The following SYNPR variants were observed in gnomAD, a reference collection of about 807,000 sequenced individuals.
SYNPR encodes synaptoporin.
A neutral mutation model predicts 32.9 loss-of-function variants in SYNPR; 23 were observed. The observed-to-expected ratio is 0.70, with a 90% confidence interval of 0.50 to 0.99. SYNPR has a LOEUF of 0.99. Ranked by LOEUF, SYNPR falls within the 50% of genes least tolerant of loss-of-function variation. SYNPR has a pLI of 0.00. For missense variants in SYNPR, 318 were observed against 349.3 expected (o/e 0.91, Z 0.71); for synonymous variants, 146 against 135.9 (o/e 1.07, Z -0.52).
intron 5 of SYNPR, among the ~76,000 whole-genome samples, chr3:63,614,212 C>T (rs4688416): frequency 0.21 from 32,450 of 152,202 alleles, 4,292 homozygotes; most frequent in Non-Finnish European, 0.27. Flanking sequence ...AATGTTATCA[C>T]AGCTTTGCGT....
At chr3:63,292,030 T>C (rs781338865) in intron 2 of SYNPR, among the ~76,000 whole-genome samples, 1 of 152,170 alleles carries the variant, frequency 6.6e-6, no homozygotes, top group Non-Finnish European at 1.5e-5. Flanking sequence ...TAAAAACCTG[T>C]ACAGCATGTG....
chr3:63,350,734 C>A (rs1270051819), intron 2 of SYNPR, among the ~76,000 whole-genome samples: 1 of 152,162 alleles, frequency 6.6e-6, no homozygotes, highest in Non-Finnish European at 1.5e-5. Flanking sequence ...GCTATGGACA[C>A]CACAATCAGA....
At chr3:63,409,478 A>T (rs561957245) in intron 2 of SYNPR, among the ~76,000 whole-genome samples, 1 of 152,056 alleles carries the variant, frequency 6.6e-6, no homozygotes, top group Non-Finnish European at 1.5e-5. Flanking sequence ...CAGCAGGTTA[A>T]TTCCTACATT....
intron 3 of SYNPR, among the ~76,000 whole-genome samples, chr3:63,483,184 G>GCATGTA (rs1327852580): frequency 6.6e-6 from 1 of 152,146 alleles, no homozygotes; most frequent in Non-Finnish European, 1.5e-5. Context: ...TGCATGTAAT[G>GCATGTA]ATGTGCACTG....
chr3:63,319,109 C>G (rs529313014), intron 2 of SYNPR, among the ~76,000 whole-genome samples: 1 of 152,008 alleles, frequency 6.6e-6, no homozygotes, highest in Non-Finnish European at 1.5e-5. Flanking sequence ...GTGATGTGAA[C>G]CATCTGTGGG....
chr3:63,444,491 G>A (rs902493805), intron 2 of SYNPR, among the ~76,000 whole-genome samples: 2 of 152,120 alleles, frequency 1.3e-5, no homozygotes, highest in Non-Finnish European at 2.9e-5. Context: ...GAAACGAGCT[G>A]GAGAATAGAT....
At chr3:63,417,374 C>T (rs1241323741) in intron 2 of SYNPR, among the ~76,000 whole-genome samples, 1 of 152,216 alleles carries the variant, frequency 6.6e-6, no homozygotes, top group Middle Eastern at 3.2e-3. Context: ...GTGCAGCCTC[C>T]CTCCTGGCTG....
intron 2 of SYNPR, among the ~76,000 whole-genome samples, chr3:63,400,633 T>G (rs2088278722): frequency 6.6e-6 from 1 of 152,156 alleles, no homozygotes. Context: ...CATACACCAT[T>G]GCTGTCATGA....
the SYNPR span, among the ~76,000 whole-genome samples, chr3:63,208,848 T>A: frequency 6.6e-6 from 1 of 152,168 alleles, no homozygotes; most frequent in Non-Finnish European, 1.5e-5. Flanking sequence ...GGTAGAATAC[T>A]AAAGGCTCTG....
intron 4 of SYNPR, among the ~76,000 whole-genome samples, chr3:63,585,725 T>C (rs547349585): frequency 3.3e-5 from 5 of 152,258 alleles, no homozygotes; most frequent in Non-Finnish European, 7.4e-5. Flanking sequence ...ATTTATCCGA[T>C]GCCTAGTTGT....
chr3:63,219,317 C>T, the SYNPR span, among the ~76,000 whole-genome samples: 1 of 152,144 alleles, frequency 6.6e-6, no homozygotes, highest in Non-Finnish European at 1.5e-5. Context: ...TTGGCCAGTG[C>T]GTCCAGAGTA....
intron 3 of SYNPR, among the ~76,000 whole-genome samples, chr3:63,555,918 A>T (rs1476488710): frequency 1.3e-5 from 2 of 152,230 alleles, no homozygotes; most frequent in Non-Finnish European, 2.9e-5. Context: ...ATGTAATAGC[A>T]AATGCCTAAA....
intron 2 of SYNPR, among the ~76,000 whole-genome samples, chr3:63,346,261 T>C (rs1418508628): frequency 6.6e-6 from 1 of 152,208 alleles, no homozygotes. Context: ...TACTGGAATT[T>C]TTACCCAAGT....
Position 63,616,372 on chromosome 3 carries a change from T to A in SYNPR, c.*891T>A, listed in dbSNP as rs1700278714. 7 of 152,208 alleles carry A rather than the reference T, an allele frequency of 4.6e-5. No homozygotes were observed. Among genetic ancestry groups the A allele is most frequent in the African/African-American group, 1.7e-4 (7 of 41,428 alleles). The allele number at this position is 152,208 out of a possible 1,614,324, so 9.4% of individuals were successfully genotyped here. ...TTTGTGTTTATGGAGTGTTGTTTTCTTAGAATAATGGAGATGCAGATATAG... is the reference window on the plus strand; with the variant it reads ...TTTGTGTTTATGGAGTGTTGTTTTCATAGAATAATGGAGATGCAGATATAG... On this transcript the variant is annotated 3_prime_UTR_variant, in exon 6 of 6. Transcript: ENST00000478300.
At chr3:63,312,351 G>A (rs2086974752) in intron 2 of SYNPR, among the ~76,000 whole-genome samples, 1 of 151,952 alleles carries the variant, frequency 6.6e-6, no homozygotes, top group African/African-American at 2.4e-5. Context: ...TAAATTCACA[G>A]CCTCCTACCA....
At chr3:63,319,579 A>G (rs2087086263) in intron 2 of SYNPR, among the ~76,000 whole-genome samples, 1 of 152,082 alleles carries the variant, frequency 6.6e-6, no homozygotes, top group Non-Finnish European at 1.5e-5. Context: ...AAAGTTAAAG[A>G]TATCTACAAT....
intron 2 of SYNPR, among the ~76,000 whole-genome samples, chr3:63,279,976 T>C (rs1306934594): frequency 6.6e-6 from 1 of 152,202 alleles, no homozygotes; most frequent in Non-Finnish European, 1.5e-5. Flanking sequence ...ATCCTCACAG[T>C]TCTGGAAACT....
chr3:63,357,289 T>C (rs1575608900), intron 2 of SYNPR, among the ~76,000 whole-genome samples: 1 of 149,714 alleles, frequency 6.7e-6, no homozygotes, highest in African/African-American at 2.4e-5. Context: ...CTTACCAACA[T>C]CTCAGGAATC....
intron 4 of SYNPR, among the ~76,000 whole-genome samples, chr3:63,594,985 C>A (rs1699908587): frequency 6.6e-6 from 1 of 152,188 alleles, no homozygotes; most frequent in Non-Finnish European, 1.5e-5. Flanking sequence ...AGAAAACACA[C>A]AGACCCCAAG....
Sources: allele counts gnomAD v4.1 joint callset (sites outside exome capture counted in the v4.1 genomes callset), GRCh38; gene constraint gnomAD v4.1.1; transcripts MANE v1.5; gene names NCBI Gene and HGNC (gene_info 2026-07-23, HGNC 2026-07-21).